Variants in RBFOX1 observed in about 807,000 individuals in gnomAD.
RBFOX1 encodes RNA binding protein fox-1 homolog 1.
Under a neutral mutation model 57.7 loss-of-function variants are expected in RBFOX1, and 8 were observed. That is an observed-to-expected ratio of 0.14 (90% CI 0.08 to 0.25). The LOEUF (loss-of-function observed/expected upper bound fraction) is 0.25, where lower values mean the gene tolerates loss of function less well. Among genes scored for constraint, RBFOX1 ranks in the 10% least tolerant of loss-of-function variants. RBFOX1 has a pLI of 1.00. For synonymous variants in RBFOX1, 326 were observed against 222.4 expected (o/e 1.47, Z -4.15); for missense variants, 611 against 548.5 (o/e 1.11, Z -1.14).
At chr16:5,972,084 C>T (rs2152300258) in intron 4 of RBFOX1, among the ~76,000 whole-genome samples, 1 of 152,332 alleles carries the variant, frequency 6.6e-6, no homozygotes, top group Middle Eastern at 3.4e-3. Flanking sequence ...CAGACTGAAA[C>T]ACCACCATTC....
chr16:5,463,965 C>T (rs192776480), intron 1 of RBFOX1, among the ~76,000 whole-genome samples: 1 of 152,260 alleles, frequency 6.6e-6, no homozygotes, highest in Admixed American at 6.5e-5. Flanking sequence ...TTTGAAGAGC[C>T]TCTCACTGCC....
At chr16:6,176,945 A>G (rs1026523146) in intron 1 of RBFOX1, among the ~76,000 whole-genome samples, 2 of 152,172 alleles carry the variant, frequency 1.3e-5, no homozygotes, top group African/African-American at 4.8e-5. Flanking sequence ...GCCTGGACAT[A>G]GTGGTTCAAC....
intron 3 of RBFOX1, among the ~76,000 whole-genome samples, chr16:6,831,448 C>G (rs750054432): frequency 6.6e-6 from 1 of 152,148 alleles, no homozygotes; most frequent in Admixed American, 6.6e-5. Flanking sequence ...ATAATTATAC[C>G]TCAGCAAACC....
intron 5 of RBFOX1, among the ~76,000 whole-genome samples, chr16:7,572,843 G>GAATGAATGAATAAATA (rs71394322): frequency 4.1e-5 from 6 of 146,664 alleles, no homozygotes; most frequent in African/African-American, 1.5e-4. Flanking sequence ...TCTCTCAAAT[G>GAATGAATGAATAAATA]AATAAATAAA....
At chr16:7,204,212 C>T (rs773652417) in intron 4 of RBFOX1, among the ~76,000 whole-genome samples, 7 of 152,224 alleles carry the variant, frequency 4.6e-5, no homozygotes, top group Non-Finnish European at 8.8e-5. Context: ...TGAACCATCT[C>T]ATCCTACCTC....
chr16:5,269,380 C>G (rs8060802), intron 1 of RBFOX1, among the ~76,000 whole-genome samples: 329 of 152,328 alleles, frequency 2.2e-3, no homozygotes, highest in African/African-American at 7.5e-3. Flanking sequence ...TTTTCATATT[C>G]AAAAATGAAA....
chr16:6,529,702 T>C (rs983451276), intron 2 of RBFOX1, among the ~76,000 whole-genome samples: 1 of 152,156 alleles, frequency 6.6e-6, no homozygotes, highest in Non-Finnish European at 1.5e-5. Context: ...GATTTATTGC[T>C]AAATAATTGC....
chr16:7,615,306 C>G (rs546242186), intron 10 of RBFOX1, among the ~76,000 whole-genome samples: 1 of 151,010 alleles, frequency 6.6e-6, no homozygotes, highest in African/African-American at 2.5e-5. Flanking sequence ...GCACTCCAGC[C>G]TGGGCAATAG....
rs60645917 is a variant in RBFOX1 at position 5,790,510 on chromosome 16, G to GAAA, written c.319-76783_319-76781dup. ...GAAGATGCAAGGAAAACAATATGCT[G>GAAA]AAAAAAAAAAAAGGACTCAGAATGT... On this transcript the variant is annotated intron_variant, in intron 3 of 19. Coordinates refer to the RBFOX1 transcript ENST00000641259. Among the ~76,000 whole-genome samples, 728 of 143,064 alleles carry GAAA rather than the reference G, an allele frequency of 5.1e-3. 5 individuals are homozygous for GAAA. Among genetic ancestry groups the GAAA allele is most frequent in the African/African-American group, 0.017 (647 of 38,848 alleles). 93.9% of individuals were successfully genotyped at this position (143,064 alleles called of 152,430 possible). A position where few individuals can be genotyped will look rare whatever the true frequency, so the allele number is the denominator to read the frequency against.
intron 2 of RBFOX1, among the ~76,000 whole-genome samples, chr16:6,572,669 C>A (rs1195055677): frequency 6.6e-6 from 1 of 151,906 alleles, no homozygotes; most frequent in Non-Finnish European, 1.5e-5. Flanking sequence ...CTCAGCTCAC[C>A]GCAACCTCTG....
intron 1 of RBFOX1, among the ~76,000 whole-genome samples, chr16:5,386,280 A>G (rs28622594): frequency 0.51 from 78,086 of 151,662 alleles, 20,469 homozygotes; most frequent in Non-Finnish European, 0.56. Flanking sequence ...TAGAGCTGGG[A>G]CTGGGCTTCT....
chr16:7,631,164 A>G (rs1486868867), intron 11 of RBFOX1, among the ~76,000 whole-genome samples: 1 of 115,704 alleles, frequency 8.6e-6, no homozygotes, highest in Non-Finnish European at 1.7e-5. Context: ...TGTAATTCCA[A>G]TGAGGAGGAG....
chr16:6,716,146 A>C (rs2064775076), intron 3 of RBFOX1, among the ~76,000 whole-genome samples: 1 of 152,254 alleles, frequency 6.6e-6, no homozygotes, highest in African/African-American at 2.4e-5. Context: ...GAGGGAACTT[A>C]GATAGGTTGC....
intron 4 of RBFOX1, among the ~76,000 whole-genome samples, chr16:7,138,748 A>T (rs1273182466): frequency 6.6e-6 from 1 of 152,160 alleles, no homozygotes; most frequent in African/African-American, 2.4e-5. Context: ...TGAGACTTGA[A>T]TATTTCACTA....
rs904369466 is a variant in RBFOX1 at position 6,887,546 on chromosome 16, C to G, written c.-15-164511C>G. On this transcript the variant is annotated intron_variant, in intron 3 of 15. Coordinates refer to ENST00000550418, the MANE Select transcript of RBFOX1 (RefSeq NM_018723.4). ...ATTTCCCTATATCTGTTTATAGACA[C>G]AAAAACACATATACTTTTTTTTTTC... 5.4e-5 allele frequency among the ~76,000 whole-genome samples: 8 copies of G among 149,110 alleles called. No homozygotes were observed. The South Asian group carries it at 1.3e-3, about 24-fold the overall frequency.
intron 3 of RBFOX1, among the ~76,000 whole-genome samples, chr16:6,792,910 A>C (rs902307897): frequency 6.6e-6 from 1 of 151,910 alleles, no homozygotes; most frequent in Non-Finnish European, 1.5e-5. Flanking sequence ...GGCACCTGTA[A>C]TCCAAGCTAC....
chr16:5,493,930 G>A (rs1349645253), intron 2 of RBFOX1, among the ~76,000 whole-genome samples: 2 of 152,044 alleles, frequency 1.3e-5, no homozygotes, highest in East Asian at 3.9e-4. Context: ...CAATGAAAGT[G>A]GAAAGGAAAA....
intron 1 of RBFOX1, among the ~76,000 whole-genome samples, chr16:6,105,502 C>T (rs1004341635): frequency 6.6e-6 from 1 of 152,090 alleles, no homozygotes; most frequent in Non-Finnish European, 1.5e-5. Context: ...AAGAGGCATG[C>T]TGATGCAAGC....
chr16:7,520,749 G>A (rs934089974), intron 5 of RBFOX1, among the ~76,000 whole-genome samples: 9 of 152,276 alleles, frequency 5.9e-5, no homozygotes, highest in African/African-American at 1.9e-4. Context: ...TGATGGGGAT[G>A]TTGTTTACTG....
Sources: allele counts gnomAD v4.1 joint callset (sites outside exome capture counted in the v4.1 genomes callset), GRCh38; gene constraint gnomAD v4.1.1; transcripts MANE v1.5; gene names NCBI Gene and HGNC (gene_info 2026-07-23, HGNC 2026-07-21).